The following ZNF804B variants were observed in gnomAD, a reference collection of about 807,000 sequenced individuals.
The protein encoded by ZNF804B is zinc finger protein 804B.
A neutral mutation model predicts 101.4 loss-of-function variants in ZNF804B; 80 were observed. The observed-to-expected ratio is 0.79, with a 90% CI of 0.66 to 0.95. The LOEUF (loss-of-function observed/expected upper bound fraction) is 0.95. Among genes scored for constraint, ZNF804B ranks in the 40% least tolerant of loss-of-function variants. The pLI is 0.00. For synonymous variants in ZNF804B, 622 were observed against 558.8 expected, an observed-to-expected ratio of 1.11 and a Z score of -1.59; for missense variants, 1,673 against 1,561.9, an observed-to-expected ratio of 1.07 and a Z score of -1.20.
chr7:89,061,715 A>G (rs1487617487), intron 1 of ZNF804B, among the ~76,000 whole-genome samples: 1 of 152,134 alleles, frequency 6.6e-6, no homozygotes, highest in Non-Finnish European at 1.5e-5. Context: ...GAGTTAATAT[A>G]TATAAAATGC....
At chr7:88,869,621 T>C (rs1791784872) in intron 1 of ZNF804B, among the ~76,000 whole-genome samples, 1 of 152,182 alleles carries the variant, frequency 6.6e-6, no homozygotes, top group Non-Finnish European at 1.5e-5. Context: ...AATTTGTACT[T>C]TAAGTTCAAT....
chr7:88,946,354 G>A (rs956804623), intron 1 of ZNF804B, among the ~76,000 whole-genome samples: 7 of 151,710 alleles, frequency 4.6e-5, no homozygotes, highest in African/African-American at 1.5e-4. Context: ...AGATAATTAT[G>A]TGGTTTTTGT....
chr7:88,767,485 G>T (rs1012339038), intron 1 of ZNF804B, among the ~76,000 whole-genome samples: 2 of 152,134 alleles, frequency 1.3e-5, no homozygotes, highest in African/African-American at 4.8e-5. Context: ...GCAAGCAAAG[G>T]CTATATGCAT....
intron 2 of ZNF804B, among the ~76,000 whole-genome samples, chr7:89,306,383 A>T (rs569402774): frequency 6.6e-6 from 1 of 151,978 alleles, no homozygotes; most frequent in South Asian, 2.1e-4. Context: ...CCTGTGTCTC[A>T]CTCTGCTCTT....
At chr7:88,851,729 G>GT (rs1231099248) in intron 1 of ZNF804B, among the ~76,000 whole-genome samples, 2 of 151,788 alleles carry the variant, frequency 1.3e-5, no homozygotes, top group Admixed American at 6.6e-5. Context: ...AATATAAAGA[G>GT]TTTTTTTTCT....
At chr7:88,924,252 T>C (rs915624745) in intron 1 of ZNF804B, among the ~76,000 whole-genome samples, 4 of 152,318 alleles carry the variant, frequency 2.6e-5, no homozygotes, top group African/African-American at 9.6e-5. Flanking sequence ...CATTTTTCTT[T>C]TTGACTAATC....
At chr7:88,967,673 T>C (rs1793475991) in intron 1 of ZNF804B, among the ~76,000 whole-genome samples, 2 of 149,886 alleles carry the variant, frequency 1.3e-5, no homozygotes, top group Admixed American at 1.3e-4. Flanking sequence ...CATTCTTATC[T>C]TTCAGGGTAG....
intron 2 of ZNF804B, among the ~76,000 whole-genome samples, chr7:89,299,565 A>G (rs1790445495): frequency 6.6e-6 from 1 of 152,076 alleles, no homozygotes; most frequent in Non-Finnish European, 1.5e-5. Context: ...ATACAAGTTA[A>G]AAGAAAAATA....
intron 1 of ZNF804B, among the ~76,000 whole-genome samples, chr7:88,936,748 G>A (rs1211447499): frequency 6.6e-6 from 1 of 152,028 alleles, no homozygotes; most frequent in Admixed American, 6.6e-5. Flanking sequence ...TCAGATAAGG[G>A]AACTTCATAA....
intron 1 of ZNF804B, among the ~76,000 whole-genome samples, chr7:88,788,613 A>C (rs1026084738): frequency 1.3e-5 from 2 of 152,122 alleles, no homozygotes; most frequent in Non-Finnish European, 2.9e-5. Flanking sequence ...GTATATGCTC[A>C]CTGGAAACAC....
intron 1 of ZNF804B, among the ~76,000 whole-genome samples, chr7:88,769,310 A>G (rs1234505133): frequency 6.6e-6 from 1 of 152,200 alleles, no homozygotes; most frequent in South Asian, 2.1e-4. Context: ...AATGCAGACT[A>G]TTCTACTGAT....
At chr7:89,061,977 C>G (rs903815017) in intron 1 of ZNF804B, among the ~76,000 whole-genome samples, 1 of 152,016 alleles carries the variant, frequency 6.6e-6, no homozygotes, top group Admixed American at 6.6e-5. Context: ...ACTCCCAATT[C>G]CTAGGGGGTC....
rs941870843 is a variant in ZNF804B, at chr7:89,204,532, A to G, written c.109-13623A>G. 7.4e-4 allele frequency among the ~76,000 whole-genome samples: 113 copies of G among 152,306 alleles called. 1 individual carries two copies. The highest frequency in any genetic ancestry group is 2.4e-3 in the African/African-American group (98 of 41,578). On this transcript the variant is annotated intron_variant, in intron 1 of 3. Transcript: ENST00000333190. ...TCCAGTGGACCTAATGATTGTAAAC[A>G]TGATCACTCAGTAGGTCCTGCTTTT...
chr7:88,814,501 A>G (rs1790845401), intron 1 of ZNF804B, among the ~76,000 whole-genome samples: 1 of 150,264 alleles, frequency 6.7e-6, no homozygotes, highest in Non-Finnish European at 1.5e-5. Context: ...CAGAAAGTTT[A>G]ATGATAATAG....
At chr7:89,000,585 A>G (rs1788269212) in intron 1 of ZNF804B, among the ~76,000 whole-genome samples, 1 of 151,932 alleles carries the variant, frequency 6.6e-6, no homozygotes. Context: ...AGATCCCCTG[A>G]ACATATTTAT....
At chr7:89,255,599 G>A (rs1284151920) in intron 2 of ZNF804B, among the ~76,000 whole-genome samples, 1 of 152,066 alleles carries the variant, frequency 6.6e-6, no homozygotes. Flanking sequence ...ACATCATACT[G>A]TACACAAATA....
At chr7:89,043,812 T>C (rs1219310414) in intron 1 of ZNF804B, among the ~76,000 whole-genome samples, 3 of 152,164 alleles carry the variant, frequency 2.0e-5, no homozygotes, top group African/African-American at 7.2e-5. Flanking sequence ...GTTGTTAAAA[T>C]TCAGAGTATC....
Position 89,334,963 on chromosome 7 carries a change from T to A in ZNF804B, c.1981T>A (p.Cys661Ser), listed in dbSNP as rs374879982. ...ACAATTCAACTGCAAGTCCAGTCCT[T>A]GTACAGTAGGGGGTCACAGTGACCA... ...ERQFNCKSSPCTVGGHSDHGK... is the reference protein window; with the variant it reads ...ERQFNCKSSPSTVGGHSDHGK... Residue 661 changes from cysteine (C) to serine (S), a missense_variant, in exon 4 of 4, where the codon TGT becomes AGT. By Grantham distance (112) the Cys-to-Ser change is moderately radical. Coordinates refer to ENST00000333190, the MANE Select transcript of ZNF804B (RefSeq NM_181646.5). The A allele has an allele frequency of 2.5e-6, 4 of 1,613,916 alleles. No individual in the cohort carries two copies. Among genetic ancestry groups the A allele is most frequent in the Non-Finnish European group, 3.4e-6 (4 of 1,179,912 alleles).
At chr7:89,098,365 G>A (rs1303072281) in intron 1 of ZNF804B, among the ~76,000 whole-genome samples, 6 of 151,274 alleles carry the variant, frequency 4.0e-5, no homozygotes, top group East Asian at 1.9e-4. Context: ...TCTGCCTCCC[G>A]GGGTTCAAGC....
Sources: allele counts gnomAD v4.1 joint callset (sites outside exome capture counted in the v4.1 genomes callset), GRCh38; gene constraint gnomAD v4.1.1; transcripts MANE v1.5; gene names NCBI Gene and HGNC (gene_info 2026-07-23, HGNC 2026-07-21).